The following SCN7A variants were observed in gnomAD, a reference collection of about 807,000 sequenced individuals.
The protein encoded by SCN7A is sodium voltage-gated channel alpha subunit 7.
Under a neutral mutation model 155.2 loss-of-function variants are expected in SCN7A, and 138 were observed. That is an observed-to-expected ratio of 0.89 (90% confidence interval 0.77 to 1.02). SCN7A has a LOEUF of 1.02. Ranked by LOEUF, SCN7A falls within the 50% of genes least tolerant of loss-of-function variation. SCN7A has a pLI of 0.00. For missense variants in SCN7A, 2,058 were observed against 1,986.6 expected (o/e 1.04, Z -0.68); for synonymous variants, 693 against 649.0 (o/e 1.07, Z -1.03).
intron 23 of SCN7A, among the ~76,000 whole-genome samples, chr2:166,411,710 G>T (rs781133393): frequency 1.3e-5 from 2 of 151,944 alleles, no homozygotes; most frequent in African/African-American, 4.8e-5. Flanking sequence ...GAACAGAAAC[G>T]TTCTGATTTA....
At chr2:166,480,021 A>G (rs896530236) in intron 2 of SCN7A, among the ~76,000 whole-genome samples, 2 of 152,228 alleles carry the variant, frequency 1.3e-5, no homozygotes, top group Non-Finnish European at 2.9e-5. Flanking sequence ...TACCATATGC[A>G]CACATATACA....
chr2:166,412,455 A>G (rs1701222067), intron 23 of SCN7A, 75 bp downstream of exon 23: 1 of 1,278,042 alleles, frequency 7.8e-7, no homozygotes, highest in African/African-American at 1.6e-5. Flanking sequence ...AATTATTTGA[A>G]GCAGGGCATT....
intron 20 of SCN7A, among the ~76,000 whole-genome samples, chr2:166,419,682 A>T (rs1387535272): frequency 6.6e-6 from 1 of 151,954 alleles, no homozygotes; most frequent in African/African-American, 2.4e-5. Context: ...TGTCATTTTA[A>T]CTTCAATCTT....
At position 166,465,866 on chromosome 2, in the gene SCN7A, G is replaced by A. The variant is rs749811970; in HGVS notation, c.786C>T (p.Asn262=). 9 of 1,613,796 alleles carry A rather than the reference G, an allele frequency of 5.6e-6. No individual in the cohort carries two copies. The highest frequency in any genetic ancestry group is 7.6e-6 in the Non-Finnish European group (9 of 1,179,824). ...GCCATCGAAAACATTTATGTTTCAA[G>A]TTGCCCATGAAGAGCCCCATCCCAA... The part of the protein sequence containing the change: ...SLIGMGLFMG[N]LKHKCFRWPQ... The change falls in exon 8 of 26, where the codon AAC becomes AAT. Residue 262 remains asparagine, a synonymous_variant. Transcript: ENST00000643258.
intron 15 of SCN7A, among the ~76,000 whole-genome samples, chr2:166,439,082 C>A (rs1198034057): frequency 1.4e-5 from 1 of 71,358 alleles, no homozygotes. Flanking sequence ...TATATATAGC[C>A]TCAGTATTTC....
At position 166,404,083 on chromosome 2, in the gene SCN7A, A is replaced by G. The variant is rs752241518; in HGVS notation, c.*1497T>C. 3.3e-5 allele frequency: 5 copies of G among 151,966 alleles called. No homozygotes were observed. The highest frequency in any genetic ancestry group is 7.4e-5 in the Non-Finnish European group (5 of 67,928). The allele number at this position is 151,966 out of a possible 1,614,324, so 9.4% of individuals were successfully genotyped here. A position where few individuals can be genotyped will look rare whatever the true frequency, so the allele number is the denominator to read the frequency against. ...GATCATGCATTCAGAATAAAATACAATCACTGATACATAAACTATATTGAA... is the reference window on the plus strand; with the variant it reads ...GATCATGCATTCAGAATAAAATACAGTCACTGATACATAAACTATATTGAA... On this transcript the variant is annotated 3_prime_UTR_variant, in exon 26 of 26. Transcript: ENST00000643258.
rs1701385916 is a variant in SCN7A at position 166,416,768 on chromosome 2, C to T, written c.3353G>A (p.Trp1118Ter). Residue 1118 changes from tryptophan (W) to a stop codon, truncating the protein, a stop_gained, in exon 21 of 26, where the codon TGG becomes TAG. Transcript: ENST00000643258. LOFTEE classifies it high-confidence loss of function. The stretch of plus-strand genomic sequence containing the variant: ...ATCAAAGTTCATTTTTGCATTTTCC[C>T]ATAGCATGGATTCGTTAAACAGAAG... ...ESLLFNESML[W>*]ENAKMNFDNV... The T allele has an allele frequency of 6.2e-7, 1 of 1,612,666 alleles. No homozygotes were observed. The highest frequency in any genetic ancestry group is 1.7e-5 in the Admixed American group (1 of 59,882).
chr2:166,410,905 T>C (rs1233042923), intron 23 of SCN7A, among the ~76,000 whole-genome samples: 1 of 151,988 alleles, frequency 6.6e-6, no homozygotes, highest in African/African-American at 2.4e-5. Context: ...GTGAAGTGAA[T>C]AATGTCACGT....
At chr2:166,455,765 A>AT (rs1480863862) in intron 11 of SCN7A, among the ~76,000 whole-genome samples, 1 of 152,140 alleles carries the variant, frequency 6.6e-6, no homozygotes, top group East Asian at 1.9e-4. Flanking sequence ...GGGGTGTTGA[A>AT]TTTTATCGAA....
intron 3 of SCN7A, among the ~76,000 whole-genome samples, chr2:166,476,140 G>A (rs985199624): frequency 1.3e-4 from 20 of 151,974 alleles, no homozygotes; most frequent in African/African-American, 3.9e-4. Context: ...GATTAAGCAT[G>A]TATATTATAA....
intron 11 of SCN7A, among the ~76,000 whole-genome samples, chr2:166,454,108 A>C (rs1241000737): frequency 6.6e-6 from 1 of 152,180 alleles, no homozygotes; most frequent in Non-Finnish European, 1.5e-5. Flanking sequence ...AAAACATTTC[A>C]TCTGGGATCA....
rs568962097 is a variant in SCN7A, at chr2:166,405,255, C to T, written c.*325G>A. On this transcript the variant is annotated 3_prime_UTR_variant, in exon 26 of 26. Coordinates refer to ENST00000643258, the MANE Select transcript of SCN7A (RefSeq NM_002976.4). ...TTATACATAAAATATAAAAGAAAGCCCCTGCTGCTGCTGATCTCTATCACC... is the reference window on the plus strand; with the variant it reads ...TTATACATAAAATATAAAAGAAAGCTCCTGCTGCTGCTGATCTCTATCACC... The T allele has an allele frequency of 4.3e-6, 1 of 231,330 alleles. No individual in the cohort carries two copies. Among genetic ancestry groups the T allele is most frequent in the African/African-American group, 2.2e-5 (1 of 44,464 alleles). The allele number at this position is 231,330 out of a possible 1,614,324, so 14.3% of individuals were successfully genotyped here.
chr2:166,458,915 C>T lies in SCN7A; in HGVS notation c.1084-1839G>A, dbSNP rs909886913. 1.3e-5 allele frequency among the ~76,000 whole-genome samples: 2 copies of T among 152,128 alleles called. 1 individual carries two copies. Among genetic ancestry groups the T allele is most frequent in the Admixed American group, 1.3e-4 (2 of 15,264 alleles). ...CATGACTGTATTTACATAGCATTTA[C>T]ATTGTATTAGGTATTATGAGTAATC... On this transcript the variant is annotated intron_variant, in intron 10 of 25. Transcript: ENST00000643258.
chr2:166,439,954 C>T (rs866069839), intron 15 of SCN7A, among the ~76,000 whole-genome samples: 1 of 152,070 alleles, frequency 6.6e-6, no homozygotes, highest in Non-Finnish European at 1.5e-5. Context: ...GGGAAATGTA[C>T]TTGATCTTTA....
chr2:166,461,660 G>A (rs920458424), intron 10 of SCN7A: 4 of 73,250 alleles, frequency 5.5e-5, no homozygotes. Context: ...ACCTAGATAT[G>A]TTCTTTAGTG....
rs541272743 is a variant in SCN7A at position 166,441,464 on chromosome 2, T to C, written c.2089A>G (p.Met697Val). Reference sequence around the variant, plus strand: ...CACCAGGATTGGCCTGCAACCTCCATACAGTCCCACAAGGTCTCTACCCAC... The same window carrying C: ...CACCAGGATTGGCCTGCAACCTCCACACAGTCCCACAAGGTCTCTACCCAC... ...GEWVETLWDCMEVAGQSWCIP... is the reference protein window; with the variant it reads ...GEWVETLWDCVEVAGQSWCIP... The change falls in exon 15 of 26, where the codon ATG becomes GTG. Residue 697 changes from methionine (M) to valine (V), a missense_variant. Coordinates refer to ENST00000643258, the MANE Select transcript of SCN7A (RefSeq NM_002976.4). 7.4e-6 allele frequency: 12 copies of C among 1,613,946 alleles called. No homozygotes were observed. In the South Asian group the frequency reaches 1.2e-4, roughly 16 times the overall value.
chr2:166,413,291 T>G (rs1701242328), intron 21 of SCN7A, among the ~76,000 whole-genome samples, 170 bp from the exon 22 acceptor site: 1 of 152,086 alleles, frequency 6.6e-6, no homozygotes, highest in Non-Finnish European at 1.5e-5. Context: ...TAACAACTAT[T>G]TCAAGTACTT....
chr2:166,423,834 T>C (rs1238723994), intron 18 of SCN7A, among the ~76,000 whole-genome samples: 1 of 152,106 alleles, frequency 6.6e-6, no homozygotes, highest in African/African-American at 2.4e-5. Context: ...CACTTACTCA[T>C]AGAGAAACAG....
chr2:166,444,891 A>G lies in SCN7A; in HGVS notation c.1497T>C (p.His499=). 1 of 1,612,924 alleles carries G rather than the reference A, an allele frequency of 6.2e-7. No homozygotes were observed. Among genetic ancestry groups the G allele is most frequent in the Non-Finnish European group, 8.5e-7 (1 of 1,179,084 alleles). Residue 499 remains histidine (H), a synonymous_variant, in exon 13 of 26, where the codon CAT becomes CAC. Transcript: ENST00000643258. The part of the protein sequence containing the change: ...PCWLKLKEFV[H]RIIMAPFTDL... The stretch of plus-strand genomic sequence containing the variant: ...CAGTAAATGGTGCCATTATAATCCT[A>G]TGGACAAACTCTTTCAATTTTAACC...
Sources: gnomAD v4.1 joint callset for allele counts (sites outside exome capture counted in the v4.1 genomes callset) on GRCh38, gnomAD v4.1.1 for gene constraint, MANE v1.5 for transcripts, NCBI Gene and HGNC (gene_info 2026-07-23, HGNC 2026-07-21) for gene names.